MED27: variants seen among roughly 807,000 people sequenced by gnomAD.
MED27 encodes the protein mediator of RNA polymerase II transcription subunit 27.
A neutral mutation model predicts 38.2 loss-of-function variants in MED27; 30 were observed. That is an observed-to-expected ratio of 0.79 (90% CI 0.59 to 1.07). The LOEUF (loss-of-function observed/expected upper bound fraction) is 1.07. MED27 is among the 50% of genes least tolerant of loss of function. The probability of loss-of-function intolerance (pLI) is 0.00; values close to 1 mark genes in which losing one functional copy is unlikely to be tolerated. For synonymous variants in MED27, 122 were observed against 153.5 expected (o/e 0.79, Z 1.52); for missense variants, 289 against 397.5 (o/e 0.73, Z 2.32).
chr9:131,869,099 G>C (rs551050535), intron 6 of MED27: 5 of 985,380 alleles, frequency 5.1e-6, no homozygotes, highest in Non-Finnish European at 6.0e-6. Context: ...TTTTTCCAGC[G>C]CTGATGCAAT....
At chr9:131,984,986 T>C (rs1831817611) in intron 3 of MED27, among the ~76,000 whole-genome samples, 1 of 152,230 alleles carries the variant, frequency 6.6e-6, no homozygotes. Flanking sequence ...ACAGCTGTTT[T>C]ATGTTGTACA....
intron 4 of MED27, among the ~76,000 whole-genome samples, chr9:131,901,868 G>A (rs1380844384): frequency 6.6e-6 from 1 of 152,162 alleles, no homozygotes; most frequent in Non-Finnish European, 1.5e-5. Flanking sequence ...TTCAGCCCAG[G>A]CAGTTGTCTT....
At chr9:131,908,089 C>T (rs552886419) in intron 4 of MED27, among the ~76,000 whole-genome samples, 3 of 151,390 alleles carry the variant, frequency 2.0e-5, no homozygotes, top group East Asian at 2.0e-4. Context: ...AAGTGAGGAG[C>T]GTCTCCGCCC....
chr9:131,920,773 G>A (rs1830376881), intron 4 of MED27, among the ~76,000 whole-genome samples: 1 of 152,072 alleles, frequency 6.6e-6, no homozygotes, highest in Admixed American at 6.5e-5. Flanking sequence ...GCAGCGCTGG[G>A]CCTAGTGGTG....
Position 132,077,345 on chromosome 9 carries a change from A to G in MED27, c.348+97T>C, listed in dbSNP as rs554877481. On this transcript the variant is annotated intron_variant, in intron 2 of 7. Transcript: ENST00000292035. The stretch of plus-strand genomic sequence containing the variant: ...TAACCCCATGCTGAATCAAGAACAT[A>G]AAAAGCAATAAAAACATACTCTTGC... 5 of 1,227,818 alleles carry G rather than the reference A, an allele frequency of 4.1e-6. No individual in the cohort carries two copies. The East Asian group carries it at 9.5e-5, about 23-fold the overall frequency. 76.1% of individuals were successfully genotyped at this position (1,227,818 alleles called of 1,614,324 possible).
intron 3 of MED27, among the ~76,000 whole-genome samples, chr9:132,001,468 C>T (rs576602938): frequency 1.3e-5 from 2 of 152,168 alleles, no homozygotes; most frequent in South Asian, 2.1e-4. Flanking sequence ...AATGACAATG[C>T]ATTATGCTTA....
chr9:131,897,498 C>A (rs562141768), intron 4 of MED27, among the ~76,000 whole-genome samples: 4 of 152,202 alleles, frequency 2.6e-5, no homozygotes, highest in African/African-American at 9.6e-5. Context: ...AATACTGGAG[C>A]GTTATTATTG....
At chr9:131,935,520 G>C (rs541607425) in intron 4 of MED27, among the ~76,000 whole-genome samples, 1 of 152,150 alleles carries the variant, frequency 6.6e-6, no homozygotes, top group African/African-American at 2.4e-5. Flanking sequence ...GACATTAGAC[G>C]ACAATGATCA....
chr9:131,904,548 G>A (rs527493019), intron 4 of MED27, among the ~76,000 whole-genome samples: 3 of 148,624 alleles, frequency 2.0e-5, no homozygotes, highest in Admixed American at 6.7e-5. Flanking sequence ...TCGGGGGGGA[G>A]CGGTCTCACT....
At chr9:131,990,517 C>T (rs1318041681) in intron 3 of MED27, among the ~76,000 whole-genome samples, 2 of 152,248 alleles carry the variant, frequency 1.3e-5, no homozygotes, top group Non-Finnish European at 2.9e-5. Flanking sequence ...GTACTCAGAA[C>T]ACTCATTCTG....
intron 6 of MED27, among the ~76,000 whole-genome samples, chr9:131,881,706 A>G (rs1839042678): frequency 6.6e-6 from 1 of 151,834 alleles, no homozygotes; most frequent in Admixed American, 6.6e-5. Flanking sequence ...TTACTCACTA[A>G]TAACTGAACT....
intron 3 of MED27, among the ~76,000 whole-genome samples, chr9:131,990,962 G>T (rs1222853720): frequency 6.6e-6 from 1 of 152,164 alleles, no homozygotes; most frequent in Admixed American, 6.5e-5. Flanking sequence ...ACAGGGGTAG[G>T]GTACGATGAG....
At chr9:131,981,668 C>T (rs1480451860) in intron 3 of MED27, among the ~76,000 whole-genome samples, 1 of 152,160 alleles carries the variant, frequency 6.6e-6, no homozygotes, top group Non-Finnish European at 1.5e-5. Context: ...CAACTTACCA[C>T]GTCAACACAA....
intron 3 of MED27, among the ~76,000 whole-genome samples, chr9:132,000,226 C>T (rs964433801): frequency 3.3e-5 from 5 of 151,940 alleles, no homozygotes; most frequent in African/African-American, 1.2e-4. Context: ...CAAAGATATA[C>T]GGATGGCAAA....
chr9:132,049,281 A>G (rs1240783779), intron 2 of MED27, among the ~76,000 whole-genome samples: 1 of 152,202 alleles, frequency 6.6e-6, no homozygotes. Context: ...GATGAACTTG[A>G]TATCAATAGT....
At chr9:131,895,064 C>A (rs1829803626) in intron 4 of MED27, among the ~76,000 whole-genome samples, 1 of 152,172 alleles carries the variant, frequency 6.6e-6, no homozygotes, top group Non-Finnish European at 1.5e-5. Context: ...GACGGTGAAG[C>A]AGATACGGGC....
chr9:131,901,893 T>C (rs949324089), intron 4 of MED27, among the ~76,000 whole-genome samples: 1 of 152,144 alleles, frequency 6.6e-6, no homozygotes, highest in Non-Finnish European at 1.5e-5. Flanking sequence ...CCATTCTTAA[T>C]AGAAGGAAGC....
intron 3 of MED27, among the ~76,000 whole-genome samples, chr9:131,956,826 A>C (rs1316198727): frequency 9.3e-6 from 1 of 107,732 alleles, no homozygotes; most frequent in African/African-American, 2.8e-5. Context: ...ATTGATGATT[A>C]AAAAAAAAAA....
At chr9:131,940,302 GA>G (rs1400539993) in intron 3 of MED27, among the ~76,000 whole-genome samples, 5 of 152,152 alleles carry the variant, frequency 3.3e-5, no homozygotes, top group Admixed American at 3.3e-4. Flanking sequence ...AGTAGTCTGT[GA>G]TTATATTCTA....
Sources: allele counts gnomAD v4.1 joint callset (sites outside exome capture counted in the v4.1 genomes callset), GRCh38; gene constraint gnomAD v4.1.1; transcripts MANE v1.5; gene names NCBI Gene and HGNC (gene_info 2026-07-23, HGNC 2026-07-21).